Variants in DPP10 observed in about 807,000 individuals in gnomAD.
The protein encoded by DPP10 is inactive dipeptidyl peptidase 10.
Under a neutral mutation model 120.9 loss-of-function variants are expected in DPP10, and 33 were observed. The ratio of observed to expected loss-of-function variants is 0.27; its 90% CI spans 0.21 to 0.37. The LOEUF (loss-of-function observed/expected upper bound fraction) is 0.37. Among genes scored for constraint, DPP10 ranks in the 10% least tolerant of loss-of-function variants. The pLI is 1.00. For synonymous variants in DPP10, 337 were observed against 326.1 expected (o/e 1.03, Z -0.36); for missense variants, 816 against 942.8 (o/e 0.87, Z 1.76).
intron 5 of DPP10, among the ~76,000 whole-genome samples, chr2:115,648,400 C>A (rs975274901): frequency 1.3e-5 from 2 of 151,484 alleles, no homozygotes; most frequent in Non-Finnish European, 2.9e-5. Flanking sequence ...CTTGAAAATC[C>A]CTAAGAGAGC....
chr2:115,501,409 T>A (rs569250613), intron 4 of DPP10, among the ~76,000 whole-genome samples: 13 of 152,228 alleles, frequency 8.5e-5, no homozygotes, highest in Admixed American at 6.6e-4. Flanking sequence ...TCATTGTGGT[T>A]TTCTCCATGT....
rs528457951 is a variant in DPP10, at chr2:114,915,700, A to G, written c.61-393539A>G. 3.3e-5 allele frequency among the ~76,000 whole-genome samples: 5 copies of G among 152,342 alleles called. 1 individual carries two copies. The South Asian group carries it at 1.0e-3, about 32-fold the overall frequency. Reference sequence around the variant, plus strand: ...AATACCAAGAAGATCTCTCAAAACCATATAATTACATGGAAATTAAACAGC... The same window carrying G: ...AATACCAAGAAGATCTCTCAAAACCGTATAATTACATGGAAATTAAACAGC... On this transcript the variant is annotated intron_variant, in intron 1 of 25. Coordinates refer to ENST00000410059, the MANE Select transcript of DPP10 (RefSeq NM_020868.6).
chr2:114,711,995 T>G (rs1351471258), intron 1 of DPP10, among the ~76,000 whole-genome samples: 1 of 152,182 alleles, frequency 6.6e-6, no homozygotes. Context: ...ATTTATCAAA[T>G]GGTTATGATA....
intron 17 of DPP10, among the ~76,000 whole-genome samples, chr2:115,787,139 A>T (rs1683436990): frequency 6.6e-6 from 1 of 152,234 alleles, no homozygotes; most frequent in Non-Finnish European, 1.5e-5. Flanking sequence ...CATATGCCAG[A>T]ACAAAGTCCA....
chr2:114,611,615 A>G (rs1450347347), intron 1 of DPP10, among the ~76,000 whole-genome samples: 2 of 152,260 alleles, frequency 1.3e-5, no homozygotes, highest in Non-Finnish European at 2.9e-5. Flanking sequence ...GCCAATGGAT[A>G]CATTTGAAAA....
intron 1 of DPP10, among the ~76,000 whole-genome samples, chr2:114,684,145 T>C (rs1699216207): frequency 6.6e-6 from 1 of 151,956 alleles, no homozygotes; most frequent in African/African-American, 2.4e-5. Flanking sequence ...TTAATTCCAG[T>C]GATGGCTGGC....
At chr2:115,613,908 G>A (rs2084297306) in intron 5 of DPP10, among the ~76,000 whole-genome samples, 1 of 152,152 alleles carries the variant, frequency 6.6e-6, no homozygotes, top group Admixed American at 6.5e-5. Flanking sequence ...GGGGAGCACT[G>A]GAGAATACTT....
intron 21 of DPP10, among the ~76,000 whole-genome samples, chr2:115,834,388 C>G (rs938732666): frequency 1.3e-5 from 2 of 152,070 alleles, no homozygotes; most frequent in Non-Finnish European, 2.9e-5. Context: ...GAGATTGAGG[C>G]CTGAATGTTA....
intron 5 of DPP10, among the ~76,000 whole-genome samples, chr2:115,577,830 C>T (rs368779254): frequency 1.6e-4 from 25 of 152,206 alleles, no homozygotes; most frequent in East Asian, 9.7e-4. Flanking sequence ...TAGATTAGGG[C>T]TCACCCTAAT....
At chr2:115,484,179 T>C (rs1295263436) in intron 3 of DPP10, among the ~76,000 whole-genome samples, 3 of 151,206 alleles carry the variant, frequency 2.0e-5, no homozygotes, top group African/African-American at 7.3e-5. Context: ...CACACATACA[T>C]GTGCACATAG....
rs770418242 is a variant in DPP10, at chr2:114,753,494, A to G, written c.60+310656A>G. Among the ~76,000 whole-genome samples the G allele has an allele frequency of 9.9e-5, 15 of 152,220 alleles. No individual in the cohort carries two copies. In the East Asian group the frequency reaches 1.3e-3, roughly 14 times the overall value. On this transcript the variant is annotated intron_variant, in intron 1 of 25. Transcript: ENST00000410059. ...ACTTTGTATCTAGGAGGGACTCTCC[A>G]TATAACAATTTTCCTTCCTTCTCTG... is the stretch of plus-strand genomic sequence containing the variant.
At chr2:115,429,582 T>A (rs575153625) in intron 3 of DPP10, among the ~76,000 whole-genome samples, 89 of 152,346 alleles carry the variant, frequency 5.8e-4, no homozygotes, top group African/African-American at 2.1e-3. Context: ...ATACCCACAG[T>A]GTCCTCAGGA....
At chr2:114,618,709 T>C (rs1299733395) in intron 1 of DPP10, among the ~76,000 whole-genome samples, 1 of 152,056 alleles carries the variant, frequency 6.6e-6, no homozygotes, top group African/African-American at 2.4e-5. Context: ...ACTGAAGCCT[T>C]ACATGGAAGA....
intron 5 of DPP10, among the ~76,000 whole-genome samples, chr2:115,527,124 T>C (rs184509193): frequency 1.5e-3 from 224 of 152,184 alleles, no homozygotes; most frequent in African/African-American, 5.2e-3. Flanking sequence ...TTTTAAAAAA[T>C]CAGGTTTCAG....
At chr2:114,463,642 C>G (rs1679113049) in intron 1 of DPP10, among the ~76,000 whole-genome samples, 1 of 152,172 alleles carries the variant, frequency 6.6e-6, no homozygotes, top group Admixed American at 6.5e-5. Context: ...ATCTCTTAAT[C>G]TACTAGTTAT....
At chr2:115,351,707 G>C (rs962029070) in intron 3 of DPP10, among the ~76,000 whole-genome samples, 4 of 151,948 alleles carry the variant, frequency 2.6e-5, no homozygotes, top group African/African-American at 9.7e-5. Flanking sequence ...TTCCTATCAA[G>C]AGTAGATAAT....
At chr2:115,342,852 T>G (rs2063517431) in intron 2 of DPP10, among the ~76,000 whole-genome samples, 1 of 152,334 alleles carries the variant, frequency 6.6e-6, no homozygotes, top group African/African-American at 2.4e-5. Flanking sequence ...TTGATTTATG[T>G]GAAAGGGAAT....
intron 1 of DPP10, among the ~76,000 whole-genome samples, chr2:114,842,742 C>A (rs375974241): frequency 6.6e-6 from 1 of 152,164 alleles, no homozygotes; most frequent in Admixed American, 6.6e-5. Context: ...GCTTGTGTTT[C>A]CAAGCATTAT....
chr2:115,371,272 C>G (rs1412774287), intron 3 of DPP10, among the ~76,000 whole-genome samples: 6 of 152,118 alleles, frequency 3.9e-5, no homozygotes, highest in Admixed American at 1.3e-4. Flanking sequence ...GCTTATGCTT[C>G]TCAAATTGCT....
Sources: allele counts gnomAD v4.1 joint callset (sites outside exome capture counted in the v4.1 genomes callset), GRCh38; gene constraint gnomAD v4.1.1; transcripts MANE v1.5; gene names NCBI Gene and HGNC (gene_info 2026-07-23, HGNC 2026-07-21).